PLCG2: variants seen among roughly 807,000 people sequenced by gnomAD.
The protein encoded by PLCG2 is 1-phosphatidylinositol 4,5-bisphosphate phosphodiesterase gamma-2.
In PLCG2, 69 loss-of-function variants were observed where a neutral mutation model predicts 175.6. The observed-to-expected ratio is 0.39, with a 90% CI of 0.32 to 0.48. The LOEUF is 0.48. Ranked by LOEUF, PLCG2 falls within the 20% of genes least tolerant of loss-of-function variation. The pLI is 0.91. For synonymous variants in PLCG2, 827 were observed against 624.0 expected (o/e 1.33, Z -4.85); for missense variants, 1,798 against 1,650.9 (o/e 1.09, Z -1.54).
At chr16:81,840,612 G>A (rs1357119562) in intron 2 of PLCG2, among the ~76,000 whole-genome samples, 1 of 152,202 alleles carries the variant, frequency 6.6e-6, no homozygotes, top group Non-Finnish European at 1.5e-5. Context: ...TCCCTCACAT[G>A]TGCAGTTCTC....
chr16:81,869,054 AC>A (rs1907384599), intron 5 of PLCG2, among the ~76,000 whole-genome samples, 159 bp from the exon 6 acceptor site: 1 of 152,210 alleles, frequency 6.6e-6, no homozygotes, highest in Non-Finnish European at 1.5e-5. Flanking sequence ...TGTCACCCTT[AC>A]CTTGACTCAA....
intron 2 of PLCG2, among the ~76,000 whole-genome samples, chr16:81,837,050 C>T (rs2143408940): frequency 6.6e-6 from 1 of 152,342 alleles, no homozygotes; most frequent in Non-Finnish European, 1.5e-5. Context: ...TCAGTTACAA[C>T]TCTAGAATTT....
At position 81,932,014 on chromosome 16, in the gene PLCG2, C is replaced by A. The variant is rs192352320; in HGVS notation, c.2739+360C>A. On this transcript the variant is annotated intron_variant, in intron 25 of 32. Coordinates refer to ENST00000564138, the MANE Select transcript of PLCG2 (RefSeq NM_002661.5). Reference sequence around the variant, plus strand: ...AAGTATCATATAAAGCAGTCTGGATCCTCCTGACAGAAAACGTTCACTGAG... The same window carrying A: ...AAGTATCATATAAAGCAGTCTGGATACTCCTGACAGAAAACGTTCACTGAG... Among the ~76,000 whole-genome samples the A allele has an allele frequency of 2.9e-3, 436 of 152,276 alleles. 1 individual carries two copies. Among genetic ancestry groups the A allele is most frequent in the Non-Finnish European group, 5.5e-3 (375 of 68,018 alleles).
At chr16:81,826,877 T>A (rs1905069393) in intron 2 of PLCG2, among the ~76,000 whole-genome samples, 1 of 150,230 alleles carries the variant, frequency 6.7e-6, no homozygotes, top group Admixed American at 6.6e-5. Flanking sequence ...TAAAAAGTTC[T>A]TCTTCTGTAT....
chr16:81,854,628 T>G (rs759508020), intron 3 of PLCG2, 41 bp downstream of exon 3: 4 of 1,594,020 alleles, frequency 2.5e-6, no homozygotes, highest in East Asian at 4.5e-5. Flanking sequence ...CCCTGTGCCT[T>G]AGTGTCTTCC....
intron 2 of PLCG2, among the ~76,000 whole-genome samples, chr16:81,828,328 C>G (rs2143371150): frequency 7.0e-6 from 1 of 142,040 alleles, no homozygotes; most frequent in South Asian, 2.3e-4. Flanking sequence ...TCACTGCAAG[C>G]TCCGCCTCCC....
At chr16:81,767,456 A>G (rs1023092853) in intron 2 of PLCG2, 1 of 150,948 alleles carries the variant, frequency 6.6e-6, no homozygotes, top group East Asian at 2.0e-4. Context: ...CAACTGATAC[A>G]CTCTTGTCCT....
chr16:81,949,808 TAATC>T (rs1314288862), intron 31 of PLCG2, among the ~76,000 whole-genome samples: 2 of 152,028 alleles, frequency 1.3e-5, no homozygotes, highest in African/African-American at 2.4e-5. Flanking sequence ...AGCTAAAAAA[TAATC>T]AAGTATCAAC....
intron 9 of PLCG2, among the ~76,000 whole-genome samples, chr16:81,887,115 G>GT (rs1190488748): frequency 3.3e-5 from 5 of 150,918 alleles, no homozygotes; most frequent in Non-Finnish European, 5.9e-5. Flanking sequence ...GCCAGGCAAA[G>GT]TTGTTTTTTT....
chr16:81,840,473 C>T (rs946947284), intron 2 of PLCG2, among the ~76,000 whole-genome samples: 3 of 152,178 alleles, frequency 2.0e-5, no homozygotes, highest in African/African-American at 7.2e-5. Context: ...TTATACAACT[C>T]ACCGTAATAT....
At position 81,903,102 on chromosome 16, in the gene PLCG2, T is replaced by A. The variant is rs143433272; in HGVS notation, c.1363-2301T>A. On this transcript the variant is annotated intron_variant, in intron 14 of 32. Coordinates refer to ENST00000564138, the MANE Select transcript of PLCG2 (RefSeq NM_002661.5). ...GCTACCATCTCCAAATACCATTACATTGGGGATTAGGTTTCAACATATAAA... is the reference window on the plus strand; with the variant it reads ...GCTACCATCTCCAAATACCATTACAATGGGGATTAGGTTTCAACATATAAA... 3.8e-3 allele frequency among the ~76,000 whole-genome samples: 578 copies of A among 152,146 alleles called. 3 individuals carry two copies. The highest frequency in any genetic ancestry group is 0.013 in the African/African-American group (550 of 41,522).
At chr16:81,763,576 A>G (rs1735060740) in intron 2 of PLCG2, among the ~76,000 whole-genome samples, 1 of 152,238 alleles carries the variant, frequency 6.6e-6, no homozygotes, top group Non-Finnish European at 1.5e-5. Context: ...CTGGTCTTCT[A>G]ACGTCATCTT....
chr16:81,861,915 G>T (rs1435833597), intron 5 of PLCG2, among the ~76,000 whole-genome samples: 1 of 152,184 alleles, frequency 6.6e-6, no homozygotes, highest in Non-Finnish European at 1.5e-5. Flanking sequence ...CCTCTGCAGA[G>T]AGAAACTTTT....
chr16:81,742,077 G>C (rs758397666), intron 1 of PLCG2, among the ~76,000 whole-genome samples: 1 of 139,474 alleles, frequency 7.2e-6, no homozygotes, highest in Non-Finnish European at 1.5e-5. Context: ...AATTCTACTC[G>C]CTTCCTCCAT....
chr16:81,845,889 G>A (rs772863125), intron 2 of PLCG2, among the ~76,000 whole-genome samples: 11 of 152,218 alleles, frequency 7.2e-5, no homozygotes. Flanking sequence ...TTGACTATGA[G>A]TCAAAGTTCA....
At chr16:81,834,383 G>T (rs933756491) in intron 2 of PLCG2, among the ~76,000 whole-genome samples, 4 of 152,176 alleles carry the variant, frequency 2.6e-5, no homozygotes, top group African/African-American at 7.2e-5. Context: ...TAGCCCAGGA[G>T]CCGGCGCGGG....
chr16:81,869,484 A>G (rs966448462), intron 6 of PLCG2, among the ~76,000 whole-genome samples, 186 bp downstream of exon 6: 1 of 152,246 alleles, frequency 6.6e-6, no homozygotes, highest in Admixed American at 6.5e-5. Context: ...CAATCCTAGC[A>G]GAGAATGTAA....
intron 2 of PLCG2, among the ~76,000 whole-genome samples, chr16:81,850,885 C>T (rs192793203): frequency 3.4e-4 from 52 of 152,258 alleles, no homozygotes; most frequent in African/African-American, 1.2e-3. Context: ...GGTTAACTCC[C>T]TTGAGTAAGA....
intron 7 of PLCG2, among the ~76,000 whole-genome samples, chr16:81,872,582 TC>T (rs1907569247): frequency 6.6e-6 from 1 of 152,246 alleles, no homozygotes; most frequent in African/African-American, 2.4e-5. Context: ...TTGAGACTAT[TC>T]TGTGCGATGC....
Sources: allele counts gnomAD v4.1 joint callset (sites outside exome capture counted in the v4.1 genomes callset), GRCh38; gene constraint gnomAD v4.1.1; transcripts MANE v1.5; gene names NCBI Gene and HGNC (gene_info 2026-07-23, HGNC 2026-07-21).